The following SLIT1 variants were observed in gnomAD, a reference collection of about 807,000 sequenced individuals.
SLIT1 encodes the protein slit guidance ligand 1.
A neutral mutation model predicts 186.1 loss-of-function variants in SLIT1; 66 were observed. The observed-to-expected ratio is 0.35, with a 90% confidence interval of 0.29 to 0.44. SLIT1 has a LOEUF of 0.44. SLIT1 is among the 20% of genes least tolerant of loss of function. SLIT1 has a pLI of 1.00. For missense variants in SLIT1, 1,638 were observed against 2,037.4 expected (o/e 0.80, Z 3.77); for synonymous variants, 761 against 833.8 (o/e 0.91, Z 1.50).
Position 97,066,193 on chromosome 10 carries a change from A to C in SLIT1, c.414-107T>G. 5 of 815,090 alleles carry C rather than the reference A, an allele frequency of 6.1e-6. No individual in the cohort carries two copies. The South Asian group carries it at 7.3e-5, about 12-fold the overall frequency. 50.5% of individuals were successfully genotyped at this position (815,090 alleles called of 1,614,324 possible). ...AGGGCAGGTGGGCTGGAGGGCACTG[A>C]ACCAGCCACTGCTGCACCCCAGCAC... On this transcript the variant is annotated intron_variant, in intron 4 of 36. Coordinates refer to ENST00000266058, the MANE Select transcript of SLIT1 (RefSeq NM_003061.3).
intron 5 of SLIT1, among the ~76,000 whole-genome samples, chr10:97,065,257 G>A (rs1055388603): frequency 2.0e-5 from 3 of 152,146 alleles, no homozygotes; most frequent in African/African-American, 7.2e-5. Flanking sequence ...ACAGACCTCA[G>A]CCTGAGTGCC....
chr10:97,141,591 C>A (rs1237872494), intron 4 of SLIT1, among the ~76,000 whole-genome samples: 1 of 152,184 alleles, frequency 6.6e-6, no homozygotes, highest in Non-Finnish European at 1.5e-5. Flanking sequence ...GGACACATTG[C>A]CTCTATTAAT....
intron 4 of SLIT1, among the ~76,000 whole-genome samples, chr10:97,128,777 G>A (rs189759442): frequency 1.3e-5 from 2 of 152,188 alleles, no homozygotes; most frequent in East Asian, 3.9e-4. Flanking sequence ...GATGAATTCC[G>A]GCCTCCACCA....
intron 24 of SLIT1, 116 bp from the exon 25 acceptor site, chr10:97,030,944 T>C (rs1848585049): frequency 1.2e-6 from 1 of 822,768 alleles, no homozygotes. Flanking sequence ...CCTCTAGGCC[T>C]CTCAGTCAGT....
At chr10:97,061,305 T>G (rs1318862847) in intron 8 of SLIT1, among the ~76,000 whole-genome samples, 1 of 152,226 alleles carries the variant, frequency 6.6e-6, no homozygotes, top group African/African-American at 2.4e-5. Flanking sequence ...TTCTCACAGC[T>G]AATAAGTGGT....
chr10:97,164,988 G>A, intron 1 of SLIT1, 98 bp from the exon 2 acceptor site: 1 of 897,104 alleles, frequency 1.1e-6, no homozygotes, highest in African/African-American at 1.6e-5. Flanking sequence ...GGATCAGCCA[G>A]TCGTCTCATC....
intron 36 of SLIT1, 55 bp from the exon 37 acceptor site, chr10:97,001,405 CTG>C: frequency 3.6e-6 from 5 of 1,383,654 alleles, no homozygotes; most frequent in Non-Finnish European, 5.1e-6. Flanking sequence ...GGGTGAGCTG[CTG>C]CCTCCAGGGA....
chr10:97,012,630 G>C (rs1197070173), intron 30 of SLIT1, among the ~76,000 whole-genome samples: 1 of 152,212 alleles, frequency 6.6e-6, no homozygotes, highest in Admixed American at 6.5e-5. Flanking sequence ...ACTGCTGATT[G>C]GTCTGCCTGC....
intron 21 of SLIT1, among the ~76,000 whole-genome samples, chr10:97,039,166 T>G (rs560646152): frequency 8.6e-5 from 13 of 151,302 alleles, no homozygotes; most frequent in African/African-American, 3.2e-4. Flanking sequence ...GTCCTGGGGG[T>G]GGGGGGAGAA....
intron 1 of SLIT1, among the ~76,000 whole-genome samples, chr10:97,180,556 G>C (rs1850322236): frequency 6.6e-6 from 1 of 152,236 alleles, no homozygotes; most frequent in South Asian, 2.1e-4. Context: ...ATAGCTATCT[G>C]TTGAATGAGG....
intron 4 of SLIT1, among the ~76,000 whole-genome samples, chr10:97,091,089 T>C (rs939803738): frequency 6.6e-6 from 1 of 152,286 alleles, no homozygotes; most frequent in Non-Finnish European, 1.5e-5. Flanking sequence ...TCCGGTTTGA[T>C]ATCATTCTAT....
chr10:97,154,971 C>G (rs1389351465), intron 4 of SLIT1: 1 of 152,248 alleles, frequency 6.6e-6, no homozygotes. Context: ...CTCTTTCCAA[C>G]CTGTCTCGCT....
rs1233734373 is a variant in SLIT1 at position 97,001,302 on chromosome 10, C to T, written c.4415G>A (p.Arg1472Lys). 1.2e-6 allele frequency: 2 copies of T among 1,613,128 alleles called. No homozygotes were observed. The highest frequency in any genetic ancestry group is 1.7e-6 in the Non-Finnish European group (2 of 1,180,012). ...CGTGGTCTGGCAGATGGCATAGCCC[C>T]TCTGGACCTGGTGAAAGTCCCGGAC... ...DPVRDFHQVQRGYAICQTTRP... is the reference protein window; with the variant it reads ...DPVRDFHQVQKGYAICQTTRP... Residue 1472 changes from arginine to lysine, a missense_variant, in exon 37 of 37, where the codon AGG (arginine) becomes AAG (lysine). Physicochemically the swap from Arg to Lys is conservative, Grantham distance 26 (BLOSUM62 2). This residue lies in a region of SLIT1 where 220 missense variants were observed against 211.3 expected (regional missense o/e 1.04). Transcript: ENST00000266058.
In SLIT1 at chr10:97,170,581, C is replaced by A. The variant is rs186415079; in HGVS notation, c.198-5691G>T. ...CCAGGAAGCTGAAGACCAGGGAAGA[C>A]GCCCTAAGCGCGTTCTCCCTCTTCC... is the stretch of plus-strand genomic sequence containing the variant. On this transcript the variant is annotated intron_variant, in intron 1 of 36. Transcript: ENST00000266058. Among the ~76,000 whole-genome samples, 118 of 152,294 alleles carry A rather than the reference C, an allele frequency of 7.7e-4. 1 individual carries two copies. Among genetic ancestry groups the A allele is most frequent in the Admixed American group, 4.3e-3 (66 of 15,300 alleles).
chr10:97,123,617 C>T (rs1226783831), intron 4 of SLIT1, among the ~76,000 whole-genome samples: 1 of 151,956 alleles, frequency 6.6e-6, no homozygotes, highest in African/African-American at 2.4e-5. Flanking sequence ...TGTCAAAACA[C>T]CGTCTCTACT....
intron 22 of SLIT1, among the ~76,000 whole-genome samples, chr10:97,034,799 A>G (rs1296164556): frequency 6.6e-6 from 1 of 152,152 alleles, no homozygotes; most frequent in Non-Finnish European, 1.5e-5. Context: ...CTCTGCAAGC[A>G]GAGCCTGGCT....
Position 97,043,633 on chromosome 10 carries a change from C to A in SLIT1, c.1854-120G>T. The stretch of plus-strand genomic sequence containing the variant: ...GTTCTCCTCCATAGGCTGCGAGCCG[C>A]AGAGCCAGGAACACGCACCAGCCAG... On this transcript the variant is annotated intron_variant, in intron 18 of 36. Transcript: ENST00000266058. This position sits in a 1 kb window ranked among gnomAD's most constrained non-coding sequence, Gnocchi z 7.0. 2 of 1,009,744 alleles carry A rather than the reference C, an allele frequency of 2.0e-6. No homozygotes were observed. Among genetic ancestry groups the A allele is most frequent in the South Asian group, 3.1e-5 (2 of 65,022 alleles). 62.5% of individuals were successfully genotyped at this position (1,009,744 alleles called of 1,614,324 possible).
chr10:97,008,696 CAAA>C (rs200303813), intron 31 of SLIT1, among the ~76,000 whole-genome samples: 60 of 96,572 alleles, frequency 6.2e-4, no homozygotes, highest in Admixed American at 1.2e-3. Flanking sequence ...AACTCTGTCT[CAAA>C]AAAAAAAAAA....
chr10:97,179,781 G>A (rs1554855890), intron 1 of SLIT1, among the ~76,000 whole-genome samples: 1 of 149,668 alleles, frequency 6.7e-6, no homozygotes, highest in South Asian at 2.1e-4. Context: ...TCAAAAAGAG[G>A]AGCCAATTCT....
Sources: gnomAD v4.1 joint callset for allele counts (sites outside exome capture counted in the v4.1 genomes callset) on GRCh38, gnomAD v4.1.1 for gene constraint, gnomAD v4.1.1 regional missense constraint, Gnocchi (gnomAD v3.1) non-coding constraint, MANE v1.5 for transcripts, NCBI Gene and HGNC (gene_info 2026-07-23, HGNC 2026-07-21) for gene names.